PSMD3: variants seen among roughly 807,000 people sequenced by gnomAD.
The protein encoded by PSMD3 is proteasome 26S subunit, non-ATPase 3, also known as 26S proteasome non-ATPase regulatory subunit 3.
In PSMD3, 5 loss-of-function variants were observed where a neutral mutation model predicts 62.8. The ratio of observed to expected loss-of-function variants is 0.08; its 90% CI spans 0.04 to 0.17. The LOEUF (loss-of-function observed/expected upper bound fraction) is 0.17, where lower values mean the gene tolerates loss of function less well. Among genes scored for constraint, PSMD3 ranks in the 10% least tolerant of loss-of-function variants. PSMD3 has a pLI of 1.00. For missense variants in PSMD3, 524 were observed against 713.6 expected, an observed-to-expected ratio of 0.73 and a Z score of 3.03; for synonymous variants, 265 against 283.9, an observed-to-expected ratio of 0.93 and a Z score of 0.67.
At chr17:39,994,844 A>G in intron 6 of PSMD3, 110 bp from the exon 7 acceptor site, 1 of 899,780 alleles carries the variant, frequency 1.1e-6, no homozygotes, top group Non-Finnish European at 1.7e-6. Flanking sequence ...CTAAACAGTG[A>G]TCCCTTTCCC....
intron 2 of PSMD3, among the ~76,000 whole-genome samples, chr17:39,985,684 G>A (rs748040616): frequency 3.3e-5 from 5 of 152,170 alleles, no homozygotes; most frequent in Admixed American, 6.5e-5. Flanking sequence ...GGGGAAAAGC[G>A]TACTGTTCCC....
At chr17:39,984,733 AC>A (rs1980480244) in intron 2 of PSMD3, among the ~76,000 whole-genome samples, 1 of 151,886 alleles carries the variant, frequency 6.6e-6, no homozygotes, top group South Asian at 2.1e-4. Context: ...TGCAACCTGT[AC>A]CCCCTACTCC....
Position 39,996,868 on chromosome 17 carries a change from C to T in PSMD3, c.1477-462C>T. ...GCTTGCCATGTTTTTTTCTGGTCTCCTCCGAGGAAACTAGGATATTGCTGC... is the reference window on the plus strand; with the variant it reads ...GCTTGCCATGTTTTTTTCTGGTCTCTTCCGAGGAAACTAGGATATTGCTGC... On this transcript the variant is annotated intron_variant, in intron 10 of 11. Transcript: ENST00000264639. This position sits in a 1 kb window ranked among gnomAD's most constrained non-coding sequence, Gnocchi z 5.1. 2.3e-6 allele frequency: 1 copy of T among 442,782 alleles called. No individual in the cohort carries two copies. Among genetic ancestry groups the T allele is most frequent in the South Asian group, 1.6e-5 (1 of 61,764 alleles). 27.4% of individuals were successfully genotyped at this position (442,782 alleles called of 1,614,324 possible).
In PSMD3 at chr17:39,996,253, T is replaced by C. The variant is rs111511592; in HGVS notation, c.1391T>C (p.Ile464Thr). 2,332 of 1,614,044 alleles carry C rather than the reference T, an allele frequency of 1.4e-3. 1 individual carries two copies. The highest frequency in any genetic ancestry group is 1.7e-3 in the Non-Finnish European group (2,060 of 1,180,008). The change falls in exon 10 of 12, where the codon ATT becomes ACT. Residue 464 changes from isoleucine to threonine, a missense_variant. This residue lies in a region of PSMD3 where 76 missense variants were observed against 97.3 expected (regional missense o/e 0.78). Coordinates refer to ENST00000264639, the MANE Select transcript of PSMD3 (RefSeq NM_002809.4). The surrounding 1 kb of genome is among the most constrained non-coding windows in gnomAD (Gnocchi z 5.1). ...GGCTATGTCCAATCCAAGGAGATGA[T>C]TGACATCTATTCCACCCGAGAGCCC... ...EKGYVQSKEM[I>T]DIYSTREPQL... is the part of the protein sequence containing the mutation.
chr17:39,997,591 C>A lies in PSMD3; in HGVS notation c.*10C>A. On this transcript the variant is annotated 3_prime_UTR_variant, in exon 12 of 12. Transcript: ENST00000264639. The stretch of plus-strand genomic sequence containing the variant: ...TGACAGCTTCCCTTGAGCTGGGGGG[C>A]TGGGGAGGGGTAGGGGGAATGGGGA... 4 of 1,172,968 alleles carry A rather than the reference C, an allele frequency of 3.4e-6. No homozygotes were observed. Among genetic ancestry groups the A allele is most frequent in the Non-Finnish European group, 4.9e-6 (4 of 822,414 alleles). The allele number at this position is 1,172,968 out of a possible 1,614,324, so 72.7% of individuals were successfully genotyped here.
Position 39,996,725 on chromosome 17 carries a change from C to T in PSMD3, c.1476+387C>T, listed in dbSNP as rs1176553783. 1 of 477,628 alleles carries T rather than the reference C, an allele frequency of 2.1e-6. No homozygotes were observed. The highest frequency in any genetic ancestry group is 4.1e-6 in the Non-Finnish European group (1 of 241,902). The allele number at this position is 477,628 out of a possible 1,614,324, so 29.6% of individuals were successfully genotyped here. A position where few individuals can be genotyped will look rare whatever the true frequency, so the allele number is the denominator to read the frequency against. On this transcript the variant is annotated intron_variant, in intron 10 of 11. Transcript: ENST00000264639. The surrounding 1 kb of genome is among the most constrained non-coding windows in gnomAD (Gnocchi z 5.1). ...GGGTTGGTAAGATTAAAAGAAGTCC[C>T]TGTATTGAGGCACTTAGCGAAGTCT... is the stretch of plus-strand genomic sequence containing the variant.
chr17:39,990,163 C>T lies in PSMD3; in HGVS notation c.947C>T (p.Ala316Val). Residue 316 changes from alanine (A) to valine (V), a missense_variant, in exon 6 of 12, where the codon GCC becomes GTC. Ala to Val is a moderately conservative substitution (Grantham distance 64). Coordinates refer to ENST00000264639, the MANE Select transcript of PSMD3 (RefSeq NM_002809.4). ...RRTMTNALRK[A>V]PQHTAVGFKQ... ...ACGATGACCAACGCCCTTCGCAAGG[C>T]CCCTCAGCACACAGCTGTCGGCTTC... The T allele has an allele frequency of 6.2e-7, 1 of 1,614,022 alleles. No individual in the cohort carries two copies. The highest frequency in any genetic ancestry group is 8.5e-7 in the Non-Finnish European group (1 of 1,179,968).
In PSMD3 at chr17:39,985,672, A is replaced by G. The variant is rs566070220; in HGVS notation, c.412-903A>G. Among the ~76,000 whole-genome samples the G allele has an allele frequency of 1.1e-4, 16 of 152,362 alleles. No individual in the cohort carries two copies. In the South Asian group the frequency reaches 3.3e-3, roughly 32 times the overall value. ...GCAGTGAAGAGTTTCTTGTCTGGGA[A>G]AGGGGAAAAGCGTACTGTTCCCCCA... On this transcript the variant is annotated intron_variant, in intron 2 of 11. Coordinates refer to ENST00000264639, the MANE Select transcript of PSMD3 (RefSeq NM_002809.4).
rs1237189711 is a variant in PSMD3, at chr17:39,980,820, C to T, written c.-151C>T. 7 of 699,432 alleles carry T rather than the reference C, an allele frequency of 1.0e-5. No homozygotes were observed. The highest frequency in any genetic ancestry group is 3.2e-5 in the East Asian group (1 of 31,426). 43.3% of individuals were successfully genotyped at this position (699,432 alleles called of 1,614,324 possible). ...CTGGCGTTTCCCAGAAGGCCCAGCG[C>T]CGGGAAGGGGTTTGCAGCTGCTCCG... On this transcript the variant is annotated 5_prime_UTR_variant, in exon 1 of 12. Coordinates refer to ENST00000264639, the MANE Select transcript of PSMD3 (RefSeq NM_002809.4).
chr17:39,991,090 T>C (rs992072866), intron 6 of PSMD3, among the ~76,000 whole-genome samples: 17 of 152,218 alleles, frequency 1.1e-4, no homozygotes, highest in African/African-American at 3.9e-4. Context: ...GTGATTCTCC[T>C]GCCTCAGCTT....
chr17:39,992,385 C>T (rs1202021778), intron 6 of PSMD3, among the ~76,000 whole-genome samples: 1 of 152,138 alleles, frequency 6.6e-6, no homozygotes, highest in African/African-American at 2.4e-5. Context: ...CCCTCACACA[C>T]CTTTGCCGTA....
At position 39,995,653 on chromosome 17, in the gene PSMD3, G is replaced by C. The variant is rs971685904; in HGVS notation, c.1320+126G>C. Reference sequence around the variant, plus strand: ...AGCAATGGCATAGTCATTTCAGGGCGTGCCCGTCATTTGCAGTGAAGCCAA... The same window carrying C: ...AGCAATGGCATAGTCATTTCAGGGCCTGCCCGTCATTTGCAGTGAAGCCAA... On this transcript the variant is annotated intron_variant, in intron 9 of 11. Transcript: ENST00000264639. This position sits in a 1 kb window ranked among gnomAD's most constrained non-coding sequence, Gnocchi z 4.1. The C allele has an allele frequency of 5.4e-6, 5 of 929,152 alleles. No individual in the cohort carries two copies. The highest frequency in any genetic ancestry group is 8.4e-6 in the Non-Finnish European group (5 of 596,966). 57.6% of individuals were successfully genotyped at this position (929,152 alleles called of 1,614,324 possible). A position where few individuals can be genotyped will look rare whatever the true frequency, so the allele number is the denominator to read the frequency against.
At chr17:39,987,890 G>A (rs944817001) in intron 3 of PSMD3, among the ~76,000 whole-genome samples, 5 of 152,228 alleles carry the variant, frequency 3.3e-5, no homozygotes, top group African/African-American at 1.2e-4. Flanking sequence ...GGCAGATCAT[G>A]AGGTCAGACA....
intron 1 of PSMD3, 82 bp from the exon 2 acceptor site, chr17:39,984,199 CAAAAAAAAAAAAA>C (rs34306234): frequency 3.1e-5 from 10 of 321,436 alleles, no homozygotes; most frequent in East Asian, 7.8e-5. Flanking sequence ...GACTCCGTCT[CAAAAAAAAAAAAA>C]AAAAAAAAAA....
At chr17:39,988,866 T>C (rs1980588579) in intron 4 of PSMD3, 47 bp downstream of exon 4, 2 of 1,601,610 alleles carry the variant, frequency 1.2e-6, no homozygotes, top group Non-Finnish European at 1.7e-6. Context: ...GGTCAGAGAC[T>C]TGGTCAGTCA....
rs78767867 is a variant in PSMD3, at chr17:39,985,384, G to A, written c.411+900G>A. Among the ~76,000 whole-genome samples, 47 of 152,320 alleles carry A rather than the reference G, an allele frequency of 3.1e-4. 2 individuals carry two copies. In the East Asian group the frequency reaches 4.2e-3, roughly 14 times the overall value. ...AAACGTGATGAACGGATTGGGAAGCGGGCAGTATAAAGCTCCTAGAGCAGT... is the reference window on the plus strand; with the variant it reads ...AAACGTGATGAACGGATTGGGAAGCAGGCAGTATAAAGCTCCTAGAGCAGT... On this transcript the variant is annotated intron_variant, in intron 2 of 11. Transcript: ENST00000264639.
At position 39,985,484 on chromosome 17, in the gene PSMD3, C is replaced by T. The variant is rs1323459839; in HGVS notation, c.411+1000C>T. ...CGCCTCCGTGCCAGGAGAGACCTCT[C>T]CTTATCCTCTGTAGCTGTAAACTCT... On this transcript the variant is annotated intron_variant, in intron 2 of 11. Coordinates refer to ENST00000264639, the MANE Select transcript of PSMD3 (RefSeq NM_002809.4). 2.6e-5 allele frequency among the ~76,000 whole-genome samples: 4 copies of T among 152,346 alleles called. No homozygotes were observed. The South Asian group carries it at 8.3e-4, about 32-fold the overall frequency.
In PSMD3 at chr17:39,988,737, G is replaced by T; in HGVS notation, c.604G>T (p.Ala202Ser). ...MQKISTQNRR[A>S]LDLVAAKCYY... ...GAAGATCAGTACTCAGAACCGCCGG[G>T]CCCTAGACCTTGTAGCCGCAAAGTG... The change falls in exon 4 of 12, where the codon GCC becomes TCC. Residue 202 changes from alanine to serine, a missense_variant. Ala to Ser is a moderately conservative substitution (Grantham distance 99). Transcript: ENST00000264639. 1 of 1,614,162 alleles carries T rather than the reference G, an allele frequency of 6.2e-7. No individual in the cohort carries two copies. The highest frequency in any genetic ancestry group is 1.1e-5 in the South Asian group (1 of 91,090).
At position 39,982,114 on chromosome 17, in the gene PSMD3, A is replaced by G. The variant is rs1397862811; in HGVS notation, c.220+924A>G. On this transcript the variant is annotated intron_variant, in intron 1 of 11. Transcript: ENST00000264639. Reference sequence around the variant, plus strand: ...GTGAGAAACTAGCTCAAAAACATTGAGATAAGCAAAGTTATCCTCCTAGGT... The same window carrying G: ...GTGAGAAACTAGCTCAAAAACATTGGGATAAGCAAAGTTATCCTCCTAGGT... Among the ~76,000 whole-genome samples the G allele has an allele frequency of 1.7e-4, 26 of 152,230 alleles. 1 individual carries two copies. The highest frequency in any genetic ancestry group is 1.5e-5 in the Non-Finnish European group (1 of 68,048).
Sources: gnomAD v4.1 joint callset for allele counts (sites outside exome capture counted in the v4.1 genomes callset) on GRCh38, gnomAD v4.1.1 for gene constraint, gnomAD v4.1.1 regional missense constraint, Gnocchi (gnomAD v3.1) non-coding constraint, MANE v1.5 for transcripts, NCBI Gene and HGNC (gene_info 2026-07-23, HGNC 2026-07-21) for gene names.